The following CDKAL1 variants were observed in gnomAD, a reference collection of about 807,000 sequenced individuals.
The protein encoded by CDKAL1 is CDKAL1 threonylcarbamoyladenosine tRNA methylthiotransferase.
Under a neutral mutation model 68.2 loss-of-function variants are expected in CDKAL1, and 32 were observed. That is an observed-to-expected ratio of 0.47 (90% CI 0.35 to 0.63). CDKAL1 has a LOEUF of 0.63. Among genes scored for constraint, CDKAL1 ranks in the 30% least tolerant of loss-of-function variants. CDKAL1 has a pLI of 0.00. For missense variants in CDKAL1, 606 were observed against 696.7 expected (o/e 0.87, Z 1.47); for synonymous variants, 234 against 244.3 (o/e 0.96, Z 0.39).
At chr6:20,641,274 T>A (rs1377214944) in intron 4 of CDKAL1, among the ~76,000 whole-genome samples, 4 of 152,172 alleles carry the variant, frequency 2.6e-5, no homozygotes, top group Non-Finnish European at 4.4e-5. Context: ...TAAAAACATT[T>A]AAAAAGCGTT....
At chr6:21,034,938 C>G (rs1393039751) in intron 11 of CDKAL1, among the ~76,000 whole-genome samples, 1 of 152,108 alleles carries the variant, frequency 6.6e-6, no homozygotes, top group Non-Finnish European at 1.5e-5. Flanking sequence ...ATTGTAAACT[C>G]AATTACTTTT....
intron 8 of CDKAL1, among the ~76,000 whole-genome samples, chr6:20,844,548 T>A (rs371804734): frequency 8.3e-4 from 126 of 151,962 alleles, no homozygotes; most frequent in African/African-American, 3.0e-3. Context: ...TTAAATGAGA[T>A]AAGGCATATA....
chr6:21,171,468 T>A (rs944207041), intron 13 of CDKAL1, among the ~76,000 whole-genome samples: 2 of 152,152 alleles, frequency 1.3e-5, no homozygotes, highest in Non-Finnish European at 2.9e-5. Context: ...CACCTTGGCC[T>A]CCCAAAGTGC....
Position 20,885,901 on chromosome 6 carries a change from G to A in CDKAL1, c.742+39723G>A, listed in dbSNP as rs140415411. Among the ~76,000 whole-genome samples, 688 of 152,066 alleles carry A rather than the reference G, an allele frequency of 4.5e-3. 2 individuals are homozygous for A. The highest frequency in any genetic ancestry group is 0.016 in the African/African-American group (645 of 41,474). ...AGTTGGAGACCAGCTTGGCCAATAT[G>A]GTGAAACCCCATCTCTATTAAAAAT... is the stretch of plus-strand genomic sequence containing the variant. On this transcript the variant is annotated intron_variant, in intron 9 of 15. Transcript: ENST00000274695.
At chr6:21,032,713 A>T (rs1379734894) in intron 11 of CDKAL1, among the ~76,000 whole-genome samples, 1 of 152,136 alleles carries the variant, frequency 6.6e-6, no homozygotes, top group Non-Finnish European at 1.5e-5. Context: ...GTATAGTAAC[A>T]TGCTGCACCT....
At chr6:20,745,665 G>T (rs142277096) in intron 6 of CDKAL1, among the ~76,000 whole-genome samples, 1 of 152,056 alleles carries the variant, frequency 6.6e-6, no homozygotes, top group Non-Finnish European at 1.5e-5. Context: ...ACTAGATTGC[G>T]TGGGTTCAAA....
chr6:21,210,975 C>T (rs1779127410), intron 15 of CDKAL1, among the ~76,000 whole-genome samples: 1 of 152,228 alleles, frequency 6.6e-6, no homozygotes, highest in Admixed American at 6.5e-5. Context: ...TGAAGCTTCC[C>T]AGTCAATGTC....
At chr6:21,108,543 A>G in intron 13 of CDKAL1, 80 bp downstream of exon 13, 1 of 858,572 alleles carries the variant, frequency 1.2e-6, no homozygotes, top group Non-Finnish European at 1.8e-6. Flanking sequence ...ACATATGGTG[A>G]TTCTGAAATA....
At chr6:21,121,684 T>G (rs1774723405) in intron 13 of CDKAL1, among the ~76,000 whole-genome samples, 1 of 152,190 alleles carries the variant, frequency 6.6e-6, no homozygotes, top group African/African-American at 2.4e-5. Context: ...ACTCACCACA[T>G]GGTATATGTT....
intron 12 of CDKAL1, among the ~76,000 whole-genome samples, chr6:21,088,858 C>T (rs1772842909): frequency 6.6e-6 from 1 of 152,188 alleles, no homozygotes; most frequent in Non-Finnish European, 1.5e-5. Flanking sequence ...GGGAGAAGCA[C>T]TTGAAACTGG....
intron 13 of CDKAL1, among the ~76,000 whole-genome samples, chr6:21,184,006 T>G (rs1777905393): frequency 6.6e-6 from 1 of 151,958 alleles, no homozygotes; most frequent in African/African-American, 2.4e-5. Context: ...CTCATTATGC[T>G]CTCCTCTGTT....
intron 5 of CDKAL1, among the ~76,000 whole-genome samples, chr6:20,672,236 CTCTTTCTTTCTTTCTT>C (rs66598881): frequency 5.9e-5 from 8 of 135,538 alleles, no homozygotes; most frequent in African/African-American, 1.4e-4. Flanking sequence ...TCTTTTCTTT[CTCTTTCTTTCTTTCTT>C]TCTTTCTTTC....
chr6:20,849,483 G>A (rs11962974), intron 9 of CDKAL1, among the ~76,000 whole-genome samples: 2 of 151,328 alleles, frequency 1.3e-5, no homozygotes, highest in African/African-American at 2.4e-5. Flanking sequence ...CTTGGGAGGC[G>A]GAGGCAGGAG....
At chr6:21,006,935 C>T (rs942660687) in intron 11 of CDKAL1, among the ~76,000 whole-genome samples, 1 of 152,086 alleles carries the variant, frequency 6.6e-6, no homozygotes. Context: ...ATTTTTCCTG[C>T]CTCAGTGGTA....
At chr6:21,087,119 C>T (rs1299795181) in intron 12 of CDKAL1, among the ~76,000 whole-genome samples, 1 of 152,190 alleles carries the variant, frequency 6.6e-6, no homozygotes, top group East Asian at 1.9e-4. Context: ...AATGCATAAA[C>T]TGCCTGAAAT....
intron 13 of CDKAL1, among the ~76,000 whole-genome samples, chr6:21,188,423 A>C (rs1047304392): frequency 6.6e-6 from 1 of 152,226 alleles, no homozygotes. Context: ...CTTTCTGAGA[A>C]TCTGCTCTCA....
chr6:20,995,403 G>A (rs1767050171), intron 10 of CDKAL1, among the ~76,000 whole-genome samples: 3 of 152,176 alleles, frequency 2.0e-5, no homozygotes, highest in African/African-American at 7.2e-5. Context: ...TTACAAAAAT[G>A]TATTTCTTAT....
intron 9 of CDKAL1, among the ~76,000 whole-genome samples, chr6:20,936,098 A>G (rs1207811600): frequency 6.6e-6 from 1 of 152,108 alleles, no homozygotes; most frequent in Non-Finnish European, 1.5e-5. Flanking sequence ...AACATAGAAT[A>G]ATTATTCTTT....
rs1581510455 is a variant in CDKAL1, at chr6:20,752,951, T to G, written c.469-5644T>G. Among the ~76,000 whole-genome samples the G allele has an allele frequency of 1.3e-5, 2 of 152,222 alleles. 1 individual carries two copies. The highest frequency in any genetic ancestry group is 3.8e-4 in the East Asian group (2 of 5,200). On this transcript the variant is annotated intron_variant, in intron 6 of 15. Transcript: ENST00000274695. ...CAGTTTTTCGTTGACTTTCATGGCC[T>G]TGACATTGGAACCTTTGACCACTCC... is the stretch of plus-strand genomic sequence containing the variant.
Sources: allele counts gnomAD v4.1 joint callset (sites outside exome capture counted in the v4.1 genomes callset), GRCh38; gene constraint gnomAD v4.1.1; transcripts MANE v1.5; gene names NCBI Gene and HGNC (gene_info 2026-07-23, HGNC 2026-07-21).